RANBP2: variants seen among roughly 807,000 people sequenced by gnomAD.
RANBP2 encodes the protein E3 SUMO-protein ligase RanBP2.
In RANBP2, 57 loss-of-function variants were observed where a neutral mutation model predicts 303.6. The ratio of observed to expected loss-of-function variants is 0.19; its 90% CI spans 0.15 to 0.23. The LOEUF is 0.23. RANBP2 is among the 10% of genes least tolerant of loss of function. The probability of loss-of-function intolerance (pLI) is 1.00; values close to 1 mark genes in which losing one functional copy is unlikely to be tolerated. For synonymous variants in RANBP2, 1,167 were observed against 1,301.5 expected, an observed-to-expected ratio of 0.90 and a Z score of 2.23; for missense variants, 3,138 against 3,780.8, an observed-to-expected ratio of 0.83 and a Z score of 4.46.
chr2:109,176,923 G>A, the RANBP2 span, among the ~76,000 whole-genome samples: 16 of 152,304 alleles, frequency 1.1e-4, no homozygotes, highest in Non-Finnish European at 2.1e-4. Context: ...GGTGAGACTG[G>A]TGGAAAGGAG....
At chr2:109,272,608 C>T in the RANBP2 span, among the ~76,000 whole-genome samples, 6 of 152,346 alleles carry the variant, frequency 3.9e-5, no homozygotes, top group East Asian at 7.7e-4. Flanking sequence ...CTGCTGCAGG[C>T]GAGTGGTGAG....
chr2:109,079,121 AT>A, the RANBP2 span, among the ~76,000 whole-genome samples: 1 of 151,852 alleles, frequency 6.6e-6, no homozygotes, highest in Non-Finnish European at 1.5e-5. Flanking sequence ...TTATATGGGG[AT>A]TTTCTTCTGC....
the RANBP2 span, among the ~76,000 whole-genome samples, chr2:109,145,882 G>T: frequency 5.3e-5 from 8 of 152,196 alleles, no homozygotes; most frequent in African/African-American, 1.4e-4. Context: ...GGGAGGCTGC[G>T]TAGGGCTATG....
intron 7 of RANBP2, among the ~76,000 whole-genome samples, chr2:108,744,095 G>A (rs1402427141): frequency 1.3e-5 from 2 of 152,130 alleles, no homozygotes; most frequent in Admixed American, 1.3e-4. Context: ...AAAGTATCTT[G>A]AAACCTTTTA....
the RANBP2 span, among the ~76,000 whole-genome samples, chr2:109,197,279 G>A: frequency 4.2e-3 from 644 of 152,324 alleles, 2 homozygotes; most frequent in African/African-American, 0.015. Context: ...GGGATGCTGG[G>A]ATGCACTTGG....
At chr2:109,111,523 C>G in the RANBP2 span, among the ~76,000 whole-genome samples, 1 of 151,996 alleles carries the variant, frequency 6.6e-6, no homozygotes, top group Admixed American at 6.6e-5. Context: ...TCTCCTTCAG[C>G]ATTTCAGCAG....
chr2:109,507,110 GCTAGCAGGGAGGAGGGTCTAAATGCCT>G, the RANBP2 span, among the ~76,000 whole-genome samples: 6 of 152,162 alleles, frequency 3.9e-5, no homozygotes, highest in African/African-American at 1.2e-4. Flanking sequence ...TGGGCAAAAC[GCTAGCAGGGAGGAGGGTCTAAATGCCT>G]CTGCCAGTGC....
chr2:109,621,560 A>G, the RANBP2 span, among the ~76,000 whole-genome samples: 7 of 152,072 alleles, frequency 4.6e-5, no homozygotes, highest in Admixed American at 1.3e-4. Flanking sequence ...ATAATTGAGC[A>G]TTCTTGAGAT....
chr2:108,830,089 A>G, the RANBP2 span, among the ~76,000 whole-genome samples: 8 of 152,354 alleles, frequency 5.3e-5, no homozygotes, highest in South Asian at 1.7e-3. Context: ...TTATTCAGGC[A>G]TGAAATTGAC....
the RANBP2 span, among the ~76,000 whole-genome samples, chr2:108,949,817 TG>T: frequency 2.6e-5 from 4 of 152,218 alleles, no homozygotes; most frequent in African/African-American, 9.6e-5. Context: ...TGATTTATCA[TG>T]GGTTAGGTCT....
At chr2:109,241,938 C>G in the RANBP2 span, among the ~76,000 whole-genome samples, 1 of 151,860 alleles carries the variant, frequency 6.6e-6, no homozygotes, top group Admixed American at 6.6e-5. Context: ...GGACCTGAGA[C>G]ACGATGTTCC....
At chr2:109,073,634 A>G in the RANBP2 span, among the ~76,000 whole-genome samples, 1 of 150,106 alleles carries the variant, frequency 6.7e-6, no homozygotes, top group African/African-American at 2.4e-5. Flanking sequence ...GCGCCACTGC[A>G]CTCAGGCCTG....
At chr2:109,133,249 C>A in the RANBP2 span, among the ~76,000 whole-genome samples, 1 of 152,162 alleles carries the variant, frequency 6.6e-6, no homozygotes, top group Non-Finnish European at 1.5e-5. Flanking sequence ...ATATAAAAGT[C>A]GGCATTACAG....
chr2:108,927,700 G>C, the RANBP2 span, among the ~76,000 whole-genome samples: 1 of 152,080 alleles, frequency 6.6e-6, no homozygotes, highest in Non-Finnish European at 1.5e-5. Context: ...CCCAGCTCTG[G>C]ATCTCTGCCT....
the RANBP2 span, among the ~76,000 whole-genome samples, chr2:109,135,682 G>A: frequency 6.6e-6 from 1 of 152,122 alleles, no homozygotes; most frequent in Admixed American, 6.5e-5. Context: ...GGGTGTGTGT[G>A]TGTTGTGAGT....
chr2:109,313,269 A>G, the RANBP2 span, among the ~76,000 whole-genome samples: 1,097 of 152,356 alleles, frequency 7.2e-3, 10 homozygotes, highest in African/African-American at 0.025. Flanking sequence ...CACAAGGCCC[A>G]GGCCTTACCC....
the RANBP2 span, among the ~76,000 whole-genome samples, chr2:108,958,005 GC>G: frequency 6.6e-6 from 1 of 152,074 alleles, no homozygotes; most frequent in Non-Finnish European, 1.5e-5. Context: ...TCTTTAAGCA[GC>G]CCTTTGGATT....
chr2:109,332,194 A>G, the RANBP2 span, among the ~76,000 whole-genome samples: 2 of 152,134 alleles, frequency 1.3e-5, no homozygotes, highest in Middle Eastern at 3.2e-3. Context: ...GCCCTCTGCA[A>G]GCTGCCTCAT....
the RANBP2 span, among the ~76,000 whole-genome samples, chr2:109,653,589 G>A: frequency 3.3e-5 from 5 of 152,112 alleles, no homozygotes; most frequent in East Asian, 9.6e-4. Flanking sequence ...CGAGGCTGCT[G>A]GCCCTCCCCT....
Sources: allele counts gnomAD v4.1 joint callset (sites outside exome capture counted in the v4.1 genomes callset), GRCh38; gene constraint gnomAD v4.1.1; transcripts MANE v1.5; gene names NCBI Gene and HGNC (gene_info 2026-07-23, HGNC 2026-07-21).